Variants in ADAMTS12 observed in about 807,000 individuals in gnomAD.
ADAMTS12 encodes ADAM metallopeptidase with thrombospondin type 1 motif 12.
In ADAMTS12, 118 loss-of-function variants were observed where a neutral mutation model predicts 167.8. The ratio of observed to expected loss-of-function variants is 0.70; its 90% CI spans 0.61 to 0.82. The LOEUF is 0.82. ADAMTS12 is among the 40% of genes least tolerant of loss of function. ADAMTS12 has a pLI of 0.00. For synonymous variants in ADAMTS12, 704 were observed against 716.9 expected (o/e 0.98, Z 0.29); for missense variants, 1,916 against 1,998.8 (o/e 0.96, Z 0.79).
intron 1 of ADAMTS12, chr5:33,891,480 G>C: frequency 2.1e-6 from 1 of 467,372 alleles, no homozygotes. Flanking sequence ...GTCTTTCAAA[G>C]ACTGCAGTGT....
intron 13 of ADAMTS12, among the ~76,000 whole-genome samples, chr5:33,626,301 T>C (rs990516418): frequency 6.8e-6 from 1 of 147,442 alleles, no homozygotes; most frequent in African/African-American, 2.5e-5. Context: ...GTGATGGTGC[T>C]GCGGGGTAAT....
At chr5:33,597,573 A>AG (rs1464835173) in intron 16 of ADAMTS12, among the ~76,000 whole-genome samples, 1 of 152,216 alleles carries the variant, frequency 6.6e-6, no homozygotes, top group African/African-American at 2.4e-5. Context: ...GCACTGCCTC[A>AG]GCATGGACTC....
At chr5:33,842,149 T>C (rs1349631622) in intron 2 of ADAMTS12, among the ~76,000 whole-genome samples, 1 of 152,202 alleles carries the variant, frequency 6.6e-6, no homozygotes, top group African/African-American at 2.4e-5. Flanking sequence ...GACTTTACTT[T>C]GTTAAGACAT....
chr5:33,710,670 T>G lies in ADAMTS12; in HGVS notation c.635-26615A>C, dbSNP rs1285158283. 3.3e-5 allele frequency among the ~76,000 whole-genome samples: 5 copies of G among 152,282 alleles called. No individual in the cohort carries two copies. In the East Asian group the frequency reaches 9.6e-4, roughly 29 times the overall value. On this transcript the variant is annotated intron_variant, in intron 3 of 23. Coordinates refer to ENST00000504830, the MANE Select transcript of ADAMTS12 (RefSeq NM_030955.4). ...TTCTCAAAAGTTAGAGGTTGTCCTA[T>G]GCACTGTGGAAGACACGAACAGACT...
intron 2 of ADAMTS12, among the ~76,000 whole-genome samples, chr5:33,766,572 A>T (rs1745542555): frequency 6.6e-6 from 1 of 152,178 alleles, no homozygotes; most frequent in South Asian, 2.1e-4. Context: ...ATATCATAAG[A>T]TGTTAACAGC....
intron 20 of ADAMTS12, among the ~76,000 whole-genome samples, chr5:33,560,125 C>A (rs973753333): frequency 6.6e-6 from 1 of 152,084 alleles, no homozygotes; most frequent in Non-Finnish European, 1.5e-5. Context: ...CAATTAATAA[C>A]CCAAACTTAA....
At chr5:33,762,783 G>A (rs1012517303) in intron 2 of ADAMTS12, among the ~76,000 whole-genome samples, 9 of 152,256 alleles carry the variant, frequency 5.9e-5, no homozygotes, top group Admixed American at 5.9e-4. Context: ...ATTGTTCTCT[G>A]GTACTTCAGA....
chr5:33,621,960 T>A (rs1376127601), intron 14 of ADAMTS12, among the ~76,000 whole-genome samples: 1 of 152,188 alleles, frequency 6.6e-6, no homozygotes, highest in African/African-American at 2.4e-5. Flanking sequence ...TGTGAGATAA[T>A]TGGAATCTTG....
chr5:33,545,379 T>G (rs1347483759), intron 22 of ADAMTS12, among the ~76,000 whole-genome samples: 2 of 152,038 alleles, frequency 1.3e-5, no homozygotes, highest in East Asian at 1.9e-4. Flanking sequence ...TGGAGAAGAT[T>G]TGGAGAAATA....
At chr5:33,622,916 T>C (rs1315914913) in intron 14 of ADAMTS12, among the ~76,000 whole-genome samples, 1 of 152,154 alleles carries the variant, frequency 6.6e-6, no homozygotes, top group East Asian at 1.9e-4. Flanking sequence ...AGACATGAAA[T>C]ACAGTCTTCC....
At chr5:33,774,785 T>C (rs1745859098) in intron 2 of ADAMTS12, among the ~76,000 whole-genome samples, 1 of 152,234 alleles carries the variant, frequency 6.6e-6, no homozygotes, top group Non-Finnish European at 1.5e-5. Flanking sequence ...CATTAACTGT[T>C]ACTCATGTCC....
chr5:33,561,178 C>A lies in ADAMTS12; in HGVS notation c.3974G>T (p.Cys1325Phe). Residue 1325 changes from cysteine (C) to phenylalanine (F), a missense_variant and splice_region_variant, in exon 20 of 24, where the codon TGC becomes TTC. Coordinates refer to ENST00000504830, the MANE Select transcript of ADAMTS12 (RefSeq NM_030955.4). The part of the protein sequence containing the change: ...AHWIVGNWSE[C>F]STTCGLGAYW... ...GGCCCCCAGGCCACATGTGGTGGAG[C>A]ACTGTAGCAGGGAAGGAGAGAGATG... 1 of 1,613,670 alleles carries A rather than the reference C, an allele frequency of 6.2e-7. No homozygotes were observed. Among genetic ancestry groups the A allele is most frequent in the Non-Finnish European group, 8.5e-7 (1 of 1,179,950 alleles).
chr5:33,622,564 G>GA (rs1439273431), intron 14 of ADAMTS12, among the ~76,000 whole-genome samples: 1 of 152,202 alleles, frequency 6.6e-6, no homozygotes, highest in Non-Finnish European at 1.5e-5. Context: ...TGAGGCAGAA[G>GA]AATTGCTTGA....
chr5:33,834,931 C>G (rs1748448238), intron 2 of ADAMTS12, among the ~76,000 whole-genome samples: 1 of 152,040 alleles, frequency 6.6e-6, no homozygotes, highest in Admixed American at 6.5e-5. Flanking sequence ...TCCCAATGGC[C>G]CTTGCAGGGA....
Position 33,867,847 on chromosome 5 carries a change from C to A in ADAMTS12, c.489+13272G>T, listed in dbSNP as rs11951305. ...GATATGGTTTGGATTTGTGTCCCTG[C>A]CCAAATCTCATGTGGAACTGTAATC... On this transcript the variant is annotated intron_variant, in intron 2 of 23. Coordinates refer to ENST00000504830, the MANE Select transcript of ADAMTS12 (RefSeq NM_030955.4). Among the ~76,000 whole-genome samples, 1,077 of 152,144 alleles carry A rather than the reference C, an allele frequency of 7.1e-3. 14 individuals are homozygous for A. Among genetic ancestry groups the A allele is most frequent in the African/African-American group, 0.025 (1,033 of 41,494 alleles).
chr5:33,891,655 G>A, intron 1 of ADAMTS12, 75 bp downstream of exon 1: 1 of 1,596,336 alleles, frequency 6.3e-7, no homozygotes, highest in South Asian at 1.1e-5. Context: ...GGTGGGGGAA[G>A]GGAAAGGGGA....
At chr5:33,564,726 A>T (rs1235558521) in intron 19 of ADAMTS12, among the ~76,000 whole-genome samples, 1 of 152,142 alleles carries the variant, frequency 6.6e-6, no homozygotes, top group Non-Finnish European at 1.5e-5. Flanking sequence ...ACTTTCCTGA[A>T]TGTCATGGGA....
chr5:33,770,797 CCTCCTT>C (rs1228269043), intron 2 of ADAMTS12, among the ~76,000 whole-genome samples: 1 of 148,534 alleles, frequency 6.7e-6, no homozygotes, highest in Admixed American at 6.7e-5. Flanking sequence ...TTCTCCTTCT[CCTCCTT>C]CTTCTTCTTC....
chr5:33,545,327 G>A (rs1485876683), intron 22 of ADAMTS12, among the ~76,000 whole-genome samples: 1 of 152,188 alleles, frequency 6.6e-6, no homozygotes, highest in African/African-American at 2.4e-5. Flanking sequence ...TCTCATGCCA[G>A]TTAGAATGGT....
Sources: gnomAD v4.1 joint callset for allele counts (sites outside exome capture counted in the v4.1 genomes callset) on GRCh38, gnomAD v4.1.1 for gene constraint, MANE v1.5 for transcripts, NCBI Gene and HGNC (gene_info 2026-07-23, HGNC 2026-07-21) for gene names.